Variants in GSG1L observed in about 807,000 individuals in gnomAD.
GSG1L encodes the protein GSG1 like.
Under a neutral mutation model 42.1 loss-of-function variants are expected in GSG1L, and 24 were observed. That is an observed-to-expected ratio of 0.57 (90% confidence interval 0.41 to 0.80). The LOEUF is 0.80. Among genes scored for constraint, GSG1L ranks in the 30% least tolerant of loss-of-function variants. The pLI is 0.00. For missense variants in GSG1L, 445 were observed against 472.2 expected (o/e 0.94, Z 0.53); for synonymous variants, 215 against 203.5 (o/e 1.06, Z -0.48).
At chr16:27,962,829 C>A (rs2085084963) in intron 2 of GSG1L, among the ~76,000 whole-genome samples, 1 of 152,158 alleles carries the variant, frequency 6.6e-6, no homozygotes, top group South Asian at 2.1e-4. Flanking sequence ...AGGCAAACCC[C>A]AACACCAGTC....
chr16:27,825,227 T>C (rs1329674153), intron 5 of GSG1L, among the ~76,000 whole-genome samples: 1 of 152,138 alleles, frequency 6.6e-6, no homozygotes, highest in East Asian at 1.9e-4. Context: ...AAACCCTGAA[T>C]GAGCTCCTAG....
At chr16:27,904,261 G>T (rs1180111355) in intron 2 of GSG1L, among the ~76,000 whole-genome samples, 6 of 151,908 alleles carry the variant, frequency 3.9e-5, no homozygotes, top group African/African-American at 2.4e-5. Flanking sequence ...GTAGAGATGG[G>T]GTTTGGCTAT....
intron 4 of GSG1L, among the ~76,000 whole-genome samples, chr16:27,830,817 C>G (rs2083267357): frequency 6.6e-6 from 1 of 152,236 alleles, no homozygotes; most frequent in African/African-American, 2.4e-5. Flanking sequence ...AAACTCAGAA[C>G]CCGAGGATAG....
rs76262050 is a variant in GSG1L, at chr16:27,891,918, G to C, written c.398-7280C>G. Among the ~76,000 whole-genome samples, 4 of 106,850 alleles carry C rather than the reference G, an allele frequency of 3.7e-5. No individual in the cohort carries two copies. The East Asian group carries it at 1.3e-3, about 35-fold the overall frequency. 70.1% of individuals were successfully genotyped at this position (106,850 alleles called of 152,430 possible). On this transcript the variant is annotated intron_variant, in intron 2 of 6. Coordinates refer to ENST00000447459, the MANE Select transcript of GSG1L (RefSeq NM_001109763.2). Reference sequence around the variant, plus strand: ...TTTTTTTTTTTTTTTTAATGCAAGGGACTCTGATTTCCAGTGAGAGTGGTG... The same window carrying C: ...TTTTTTTTTTTTTTTTAATGCAAGGCACTCTGATTTCCAGTGAGAGTGGTG...
intron 6 of GSG1L, among the ~76,000 whole-genome samples, chr16:27,801,373 A>G (rs567271244): frequency 1.3e-5 from 2 of 152,280 alleles, no homozygotes; most frequent in East Asian, 1.9e-4. Context: ...TCAGCCATCA[A>G]ATGAGATGGC....
intron 2 of GSG1L, among the ~76,000 whole-genome samples, chr16:27,889,708 C>A (rs1169445137): frequency 6.6e-6 from 1 of 152,184 alleles, no homozygotes; most frequent in East Asian, 1.9e-4. Flanking sequence ...TGGGGTCAGA[C>A]TGGCCTGACA....
rs917137934 is a variant in GSG1L at position 27,949,881 on chromosome 16, C to T, written c.397+13275G>A. ...CAGAGCTTGCGGTGAGCCGAGATTG[C>T]GCCACTGCATTCCAGCCTGGGCGAC... On this transcript the variant is annotated intron_variant, in intron 2 of 6. Transcript: ENST00000447459. 8.5e-5 allele frequency among the ~76,000 whole-genome samples: 13 copies of T among 152,248 alleles called. No individual in the cohort carries two copies. In the East Asian group the frequency reaches 1.4e-3, roughly 16 times the overall value.
intron 1 of GSG1L, among the ~76,000 whole-genome samples, chr16:27,967,917 AAATAT>A (rs930173940): frequency 9.2e-5 from 14 of 152,128 alleles, no homozygotes; most frequent in Non-Finnish European, 4.4e-5. Flanking sequence ...CATCTCAAAA[AAATAT>A]AATATAATAT....
chr16:27,911,794 A>T (rs1414065779), intron 2 of GSG1L, among the ~76,000 whole-genome samples: 1 of 150,672 alleles, frequency 6.6e-6, no homozygotes, highest in African/African-American at 2.4e-5. Context: ...ACGCTCTCTC[A>T]CTCCCTGCCC....
intron 6 of GSG1L, among the ~76,000 whole-genome samples, chr16:27,792,673 T>A (rs1374661727): frequency 6.6e-6 from 1 of 152,110 alleles, no homozygotes; most frequent in African/African-American, 2.4e-5. Flanking sequence ...GCGCACACTC[T>A]GCCAGCATCA....
chr16:28,003,602 C>A (rs558166416), intron 1 of GSG1L, among the ~76,000 whole-genome samples: 5 of 152,326 alleles, frequency 3.3e-5, no homozygotes, highest in African/African-American at 1.2e-4. Context: ...AACGTGGTTG[C>A]CAGCATGGCC....
intron 2 of GSG1L, among the ~76,000 whole-genome samples, chr16:27,952,630 G>T (rs563637874): frequency 6.6e-6 from 1 of 152,344 alleles, no homozygotes; most frequent in African/African-American, 2.4e-5. Context: ...ACTAGACCGT[G>T]CTGGGCCATA....
chr16:28,042,593 C>T (rs1207551152), intron 1 of GSG1L, among the ~76,000 whole-genome samples: 4 of 152,126 alleles, frequency 2.6e-5, no homozygotes. Flanking sequence ...AGAACCCACT[C>T]ACTCTATTTA....
intron 3 of GSG1L, among the ~76,000 whole-genome samples, chr16:27,849,932 G>A (rs1368255770): frequency 6.6e-6 from 1 of 151,482 alleles, no homozygotes; most frequent in Non-Finnish European, 1.5e-5. Flanking sequence ...TCAGCGTCTG[G>A]GCAGATGCCA....
At chr16:27,933,511 C>T (rs2084678943) in intron 2 of GSG1L, among the ~76,000 whole-genome samples, 1 of 151,902 alleles carries the variant, frequency 6.6e-6, no homozygotes, top group Non-Finnish European at 1.5e-5. Context: ...TAGCCAGGAG[C>T]AGTGGCTCAT....
At chr16:27,906,229 T>A (rs945232203) in intron 2 of GSG1L, among the ~76,000 whole-genome samples, 1 of 152,170 alleles carries the variant, frequency 6.6e-6, no homozygotes, top group African/African-American at 2.4e-5. Flanking sequence ...TCTCTCGTAA[T>A]AAAATTTAAA....
chr16:28,016,502 A>G (rs2085782253), intron 1 of GSG1L, among the ~76,000 whole-genome samples: 1 of 152,074 alleles, frequency 6.6e-6, no homozygotes, highest in South Asian at 2.1e-4. Context: ...GCTTAGTGCA[A>G]TCTTCCCTAG....
chr16:28,008,693 CG>C (rs1555513762), intron 1 of GSG1L, among the ~76,000 whole-genome samples: 7 of 152,232 alleles, frequency 4.6e-5, no homozygotes, highest in Non-Finnish European at 2.9e-5. Context: ...GAAGTCCTCA[CG>C]GTGGCCGGCA....
intron 2 of GSG1L, among the ~76,000 whole-genome samples, chr16:27,908,338 C>T (rs1442373441): frequency 3.3e-5 from 5 of 152,222 alleles, no homozygotes; most frequent in South Asian, 2.1e-4. Flanking sequence ...AAGCAGTAAA[C>T]GCTTATACTT....
Sources: gnomAD v4.1 joint callset for allele counts (sites outside exome capture counted in the v4.1 genomes callset) on GRCh38, gnomAD v4.1.1 for gene constraint, MANE v1.5 for transcripts, NCBI Gene and HGNC (gene_info 2026-07-23, HGNC 2026-07-21) for gene names.